The following OXR1 variants were observed in gnomAD, a reference collection of about 807,000 sequenced individuals.
OXR1 encodes the protein oxidation resistance 1.
OXR1 carries 41 observed loss-of-function variants against 104.6 expected under a neutral mutation model. The ratio of observed to expected loss-of-function variants is 0.39; its 90% CI spans 0.31 to 0.51. OXR1 has a LOEUF of 0.51. OXR1 is among the 20% of genes least tolerant of loss of function. OXR1 has a pLI of 0.77. For synonymous variants in OXR1, 348 were observed against 348.4 expected, an observed-to-expected ratio of 1.00 and a Z score of 0.01; for missense variants, 955 against 1,031.9, an observed-to-expected ratio of 0.93 and a Z score of 1.02.
In OXR1 at chr8:106,339,936, A is replaced by G. The variant is rs188924718; in HGVS notation, c.-138-19540A>G. On this transcript the variant is annotated intron_variant, in intron 1 of 16. Coordinates refer to ENST00000517566, the MANE Select transcript of OXR1 (RefSeq NM_001198533.2). ...GCAATATAAATATTACTGTATATAA[A>G]TGTGAATCAATAAATATTAGCTTTT... Among the ~76,000 whole-genome samples the G allele has an allele frequency of 2.1e-3, 321 of 152,282 alleles. 1 individual carries two copies. The highest frequency in any genetic ancestry group is 3.3e-3 in the Non-Finnish European group (226 of 68,018).
chr8:106,284,813 A>ATTT lies in OXR1; in HGVS notation c.-139+14446_-139+14447insTTT, dbSNP rs1217934466. Among the ~76,000 whole-genome samples the ATTT allele has an allele frequency of 5.6e-5, 8 of 142,242 alleles. No homozygotes were observed. The South Asian group carries it at 6.4e-4, about 11-fold the overall frequency. The allele number at this position is 142,242 out of a possible 152,430, so 93.3% of individuals were successfully genotyped here. ...TAACATTAACCTCAATCTTTTTTTA[A>ATTT]AAAAAAAGGCTGTTAAAATTATTCA... On this transcript the variant is annotated intron_variant, in intron 1 of 16. Transcript: ENST00000517566.
intron 2 of OXR1, among the ~76,000 whole-genome samples, chr8:106,418,527 T>A (rs1340814186): frequency 6.7e-6 from 1 of 148,724 alleles, no homozygotes; most frequent in African/African-American, 2.4e-5. Context: ...CTGTTGTTTG[T>A]TGGTCATTTT....
At chr8:106,493,398 G>C (rs1320979677) in intron 2 of OXR1, among the ~76,000 whole-genome samples, 1 of 151,840 alleles carries the variant, frequency 6.6e-6, no homozygotes, top group Non-Finnish European at 1.5e-5. Flanking sequence ...TACACACTTT[G>C]TTACCACCAT....
intron 3 of OXR1, among the ~76,000 whole-genome samples, chr8:106,560,876 G>C (rs1816623470): frequency 6.6e-6 from 1 of 152,166 alleles, no homozygotes; most frequent in Non-Finnish European, 1.5e-5. Context: ...AAAGCAGGAT[G>C]GGGCATCACC....
chr8:106,319,789 G>T (rs898169283), intron 1 of OXR1, among the ~76,000 whole-genome samples: 2 of 152,212 alleles, frequency 1.3e-5, no homozygotes, highest in African/African-American at 4.8e-5. Flanking sequence ...TTTTCATACT[G>T]TGGGCACTTC....
intron 1 of OXR1, among the ~76,000 whole-genome samples, chr8:106,345,939 G>T (rs1339807756): frequency 6.6e-6 from 1 of 152,108 alleles, no homozygotes; most frequent in Admixed American, 6.5e-5. Flanking sequence ...AGATCTGAAG[G>T]AGATGAAAAA....
intron 3 of OXR1, among the ~76,000 whole-genome samples, chr8:106,607,410 G>T (rs1192488240): frequency 6.6e-6 from 1 of 152,212 alleles, no homozygotes; most frequent in Non-Finnish European, 1.5e-5. Flanking sequence ...AACATTTGGA[G>T]TCAATAGCCC....
chr8:106,291,617 T>C (rs758174610), intron 1 of OXR1, among the ~76,000 whole-genome samples: 1 of 152,194 alleles, frequency 6.6e-6, no homozygotes, highest in Non-Finnish European at 1.5e-5. Flanking sequence ...ATTCTATACA[T>C]AAATTTCATT....
intron 14 of OXR1, 138 bp downstream of exon 14, chr8:106,740,633 A>C: frequency 1.4e-6 from 1 of 692,070 alleles, no homozygotes. Flanking sequence ...TTTAATATGC[A>C]AGGCAATGTT....
intron 10 of OXR1, among the ~76,000 whole-genome samples, chr8:106,712,999 G>C (rs1349815306): frequency 6.6e-6 from 1 of 151,774 alleles, no homozygotes; most frequent in Non-Finnish European, 1.5e-5. Flanking sequence ...TAAAACTTAG[G>C]AAAACTGCTG....
At position 106,404,705 on chromosome 8, in the gene OXR1, C is replaced by A. The variant is rs866713568; in HGVS notation, c.23+45069C>A. Among the ~76,000 whole-genome samples the A allele has an allele frequency of 5.3e-5, 8 of 151,380 alleles. No homozygotes were observed. The South Asian group carries it at 1.7e-3, about 32-fold the overall frequency. ...AGGTATTATATGCAGTCGCTCAGCT[C>A]CTTGCTTATTTTTTTTTTGAGACAG... On this transcript the variant is annotated intron_variant, in intron 2 of 16. Coordinates refer to ENST00000517566, the MANE Select transcript of OXR1 (RefSeq NM_001198533.2).
chr8:106,276,358 A>T (rs1400073622), intron 1 of OXR1, among the ~76,000 whole-genome samples: 5 of 152,190 alleles, frequency 3.3e-5, no homozygotes, highest in Non-Finnish European at 7.3e-5. Flanking sequence ...CAATCAACTG[A>T]TGTGTTTGGA....
At chr8:106,614,717 G>T (rs927131283) in intron 3 of OXR1, among the ~76,000 whole-genome samples, 1 of 151,900 alleles carries the variant, frequency 6.6e-6, no homozygotes, top group Non-Finnish European at 1.5e-5. Flanking sequence ...CCAAATATTG[G>T]GAAATAGGTA....
At chr8:106,322,690 C>T (rs1006361837) in intron 1 of OXR1, among the ~76,000 whole-genome samples, 3 of 152,158 alleles carry the variant, frequency 2.0e-5, no homozygotes, top group African/African-American at 4.8e-5. Context: ...AGCAAAGTTG[C>T]GGAGTACAAA....
intron 2 of OXR1, among the ~76,000 whole-genome samples, chr8:106,511,165 T>C (rs1396548614): frequency 6.6e-6 from 1 of 152,216 alleles, no homozygotes; most frequent in Non-Finnish European, 1.5e-5. Flanking sequence ...GCTTGGGTTT[T>C]GCTGATTTTA....
At chr8:106,646,209 G>A (rs1287030062) in intron 3 of OXR1, among the ~76,000 whole-genome samples, 2 of 151,592 alleles carry the variant, frequency 1.3e-5, no homozygotes, top group Non-Finnish European at 2.9e-5. Flanking sequence ...AAGTTCAAAC[G>A]ATTCTCCTGC....
chr8:106,500,807 A>C (rs549964566), intron 2 of OXR1, among the ~76,000 whole-genome samples: 56 of 152,348 alleles, frequency 3.7e-4, no homozygotes, highest in African/African-American at 1.3e-3. Context: ...TGTGCAACAA[A>C]ATTGCTATAT....
At chr8:106,621,332 T>C (rs1821680120) in intron 3 of OXR1, among the ~76,000 whole-genome samples, 1 of 152,128 alleles carries the variant, frequency 6.6e-6, no homozygotes, top group African/African-American at 2.4e-5. Flanking sequence ...ATGCCTGTAG[T>C]CCTAGCTACT....
intron 11 of OXR1, among the ~76,000 whole-genome samples, chr8:106,727,844 C>T (rs149544631): frequency 5.8e-4 from 88 of 152,226 alleles, no homozygotes; most frequent in Middle Eastern, 3.4e-3. Flanking sequence ...TTTAATTGAA[C>T]CCTCACAGTA....
Sources: allele counts gnomAD v4.1 joint callset (sites outside exome capture counted in the v4.1 genomes callset), GRCh38; gene constraint gnomAD v4.1.1; transcripts MANE v1.5; gene names NCBI Gene and HGNC (gene_info 2026-07-23, HGNC 2026-07-21).